Variants in RAB6A observed in about 807,000 individuals in gnomAD.
The protein encoded by RAB6A is RAB6A, member RAS oncogene family.
A neutral mutation model predicts 32.3 loss-of-function variants in RAB6A; 8 were observed. The ratio of observed to expected loss-of-function variants is 0.25; its 90% CI spans 0.15 to 0.45. The LOEUF is 0.45. RAB6A is among the 20% of genes least tolerant of loss of function. RAB6A has a pLI of 1.00. For synonymous variants in RAB6A, 73 were observed against 82.1 expected (o/e 0.89, Z 0.60); for missense variants, 104 against 249.4 (o/e 0.42, Z 3.93).
At chr11:73,725,946 A>G (rs1185686875) in intron 2 of RAB6A, among the ~76,000 whole-genome samples, 2 of 151,948 alleles carry the variant, frequency 1.3e-5, no homozygotes, top group Non-Finnish European at 2.9e-5. Context: ...TGAGCTCAGG[A>G]GTTTGTCATC....
intron 1 of RAB6A, among the ~76,000 whole-genome samples, chr11:73,733,947 T>C (rs1251028088): frequency 6.6e-6 from 1 of 152,154 alleles, no homozygotes; most frequent in African/African-American, 2.4e-5. Flanking sequence ...TACTTTAAAA[T>C]AAAATCTTTT....
intron 6 of RAB6A, among the ~76,000 whole-genome samples, chr11:73,692,991 AAAC>A (rs1218596108): frequency 2.0e-5 from 3 of 151,890 alleles, no homozygotes; most frequent in African/African-American, 4.8e-5. Flanking sequence ...AAAAAACAAA[AAAC>A]AAAAAAAGCC....
rs1362081382 is a variant in RAB6A at position 73,760,581 on chromosome 11, G to A, written c.55C>T (p.Leu19=). Reference sequence around the variant, plus strand: ...ACGCACTCACCGCTTTGCTCCCCCAGGAACACCAGCTTGAATTTCCTCAGC... The same window carrying A: ...ACGCACTCACCGCTTTGCTCCCCCAAGAACACCAGCTTGAATTTCCTCAGC... ...NPLRKFKLVF[L]GEQSVGKTSL... Residue 19 remains leucine, a synonymous_variant, in exon 1 of 8, where the codon CTG becomes TTG. Transcript: ENST00000336083. 6.2e-7 allele frequency: 1 copy of A among 1,610,650 alleles called. No individual in the cohort carries two copies. The highest frequency in any genetic ancestry group is 2.2e-5 in the East Asian group (1 of 44,794).
At chr11:73,727,274 T>A (rs1946237001) in intron 2 of RAB6A, among the ~76,000 whole-genome samples, 1 of 151,718 alleles carries the variant, frequency 6.6e-6, no homozygotes, top group Non-Finnish European at 1.5e-5. Flanking sequence ...AAATTTTTTT[T>A]AATTAGCTGG....
At chr11:73,724,615 T>C (rs1042293750) in intron 2 of RAB6A, among the ~76,000 whole-genome samples, 2 of 150,164 alleles carry the variant, frequency 1.3e-5, no homozygotes, top group African/African-American at 4.9e-5. Flanking sequence ...GCCTCCTGAA[T>C]AGCTGGGACT....
In RAB6A at chr11:73,718,625, A is replaced by AC; in HGVS notation, c.276_277insG (p.Tyr93ValfsTer2). 6.2e-7 allele frequency: 1 copy of AC among 1,613,052 alleles called. No homozygotes were observed. The highest frequency in any genetic ancestry group is 8.5e-7 in the Non-Finnish European group (1 of 1,179,420). ...TCCCTCCACTCACTTGTGATATCAT[A>AC]AACAACAACTGCCACAGTGGAGTCA... On this transcript the variant is annotated frameshift_variant, in exon 4 of 8. Coordinates refer to ENST00000336083, the MANE Select transcript of RAB6A (RefSeq NM_198896.2). LOFTEE classifies it high-confidence loss of function.
intron 1 of RAB6A, among the ~76,000 whole-genome samples, chr11:73,732,013 A>G (rs1946323595): frequency 6.6e-6 from 1 of 151,430 alleles, no homozygotes. Flanking sequence ...TGCTGAGATT[A>G]TAGGCGTGCA....
intron 3 of RAB6A, chr11:73,718,952 G>T (rs1946094313): frequency 1.4e-6 from 2 of 1,427,686 alleles, no homozygotes; most frequent in Admixed American, 2.2e-5. Context: ...AAAGAAAAAA[G>T]AAACAATGTT....
intron 1 of RAB6A, among the ~76,000 whole-genome samples, chr11:73,755,966 A>T (rs987648859): frequency 6.6e-6 from 1 of 152,152 alleles, no homozygotes; most frequent in Non-Finnish European, 1.5e-5. Context: ...CAACTACATT[A>T]ACAGAGCTCT....
chr11:73,712,155 CTTATT>C (rs1456311908), intron 5 of RAB6A, among the ~76,000 whole-genome samples: 1 of 152,072 alleles, frequency 6.6e-6, no homozygotes, highest in African/African-American at 2.4e-5. Context: ...TCAGTTAGTC[CTTATT>C]TTATTTTCAC....
intron 1 of RAB6A, among the ~76,000 whole-genome samples, chr11:73,747,353 C>T (rs1946606032): frequency 6.6e-6 from 1 of 151,952 alleles, no homozygotes. Flanking sequence ...CAGGCGCCCA[C>T]CAGCATGCCC....
At chr11:73,693,841 G>A (rs1193613619) in intron 6 of RAB6A, among the ~76,000 whole-genome samples, 4 of 151,476 alleles carry the variant, frequency 2.6e-5, no homozygotes, top group Non-Finnish European at 5.9e-5. Flanking sequence ...TGGCGCCATT[G>A]CACTCCAGCT....
intron 6 of RAB6A, among the ~76,000 whole-genome samples, chr11:73,685,218 G>A (rs961820105): frequency 6.6e-6 from 1 of 150,694 alleles, no homozygotes; most frequent in African/African-American, 2.4e-5. Context: ...TGCCTGATTA[G>A]ATTATTGTGT....
At chr11:73,760,539 C>A in intron 1 of RAB6A, 27 bp downstream of exon 1, 1 of 1,586,490 alleles carries the variant, frequency 6.3e-7, no homozygotes, top group Admixed American at 1.8e-5. Flanking sequence ...CGGCCAGCTG[C>A]CAGGAGTAGG....
chr11:73,719,007 A>T, intron 3 of RAB6A: 1 of 907,684 alleles, frequency 1.1e-6, no homozygotes, highest in Non-Finnish European at 1.6e-6. Context: ...AAGAAGACTC[A>T]TGCAAGAGGT....
At chr11:73,736,814 A>AG (rs973535989) in intron 1 of RAB6A, among the ~76,000 whole-genome samples, 8 of 137,028 alleles carry the variant, frequency 5.8e-5, no homozygotes, top group African/African-American at 2.5e-4. Context: ...AAAAAGAAAA[A>AG]AAAAAAAAAA....
At chr11:73,728,675 T>G (rs1411717261) in intron 2 of RAB6A, among the ~76,000 whole-genome samples, 3 of 137,690 alleles carry the variant, frequency 2.2e-5, no homozygotes, top group African/African-American at 8.0e-5. Flanking sequence ...AGTGTATATC[T>G]TTTTTAACAT....
At chr11:73,723,178 T>C (rs1323529191) in intron 2 of RAB6A, among the ~76,000 whole-genome samples, 1 of 152,104 alleles carries the variant, frequency 6.6e-6, no homozygotes, top group African/African-American at 2.4e-5. Context: ...TGAACAAACA[T>C]GCAGTTAGTC....
chr11:73,716,632 T>C (rs533063035), intron 4 of RAB6A, among the ~76,000 whole-genome samples: 2 of 151,044 alleles, frequency 1.3e-5, no homozygotes, highest in East Asian at 2.0e-4. Flanking sequence ...TAGTATTTAA[T>C]TGAAAAAAAA....
Sources: allele counts gnomAD v4.1 joint callset (sites outside exome capture counted in the v4.1 genomes callset), GRCh38; gene constraint gnomAD v4.1.1; transcripts MANE v1.5; gene names NCBI Gene and HGNC (gene_info 2026-07-23, HGNC 2026-07-21).